The following AP3B1 variants were observed in gnomAD, a reference collection of about 807,000 sequenced individuals.
AP3B1 encodes adaptor related protein complex 3 subunit beta 1, also known as AP-3 complex subunit beta-1.
A neutral mutation model predicts 132.5 loss-of-function variants in AP3B1; 61 were observed. That is an observed-to-expected ratio of 0.46 (90% confidence interval 0.37 to 0.57). AP3B1 has a LOEUF of 0.57. AP3B1 is among the 20% of genes least tolerant of loss of function. AP3B1 has a pLI of 0.00. For synonymous variants in AP3B1, 388 were observed against 438.3 expected (o/e 0.89, Z 1.43); for missense variants, 1,120 against 1,289.4 (o/e 0.87, Z 2.01).
intron 6 of AP3B1, chr5:78,222,516 A>G (rs1424803051): frequency 6.6e-6 from 1 of 152,230 alleles, no homozygotes; most frequent in East Asian, 1.9e-4. Context: ...GAACACTAGT[A>G]TAATTGTTTG....
chr5:78,012,953 T>C (rs1746683687), intron 26 of AP3B1, among the ~76,000 whole-genome samples: 1 of 152,222 alleles, frequency 6.6e-6, no homozygotes, highest in Non-Finnish European at 1.5e-5. Flanking sequence ...TTAATAAGAA[T>C]TATACAACTG....
chr5:78,197,037 T>C, intron 7 of AP3B1, among the ~76,000 whole-genome samples: 1 of 152,122 alleles, frequency 6.6e-6, no homozygotes, highest in East Asian at 1.9e-4. Flanking sequence ...GTGACAACAA[T>C]ATTAATGTAA....
chr5:78,070,797 C>T (rs544605418), intron 22 of AP3B1, among the ~76,000 whole-genome samples: 1 of 151,466 alleles, frequency 6.6e-6, no homozygotes, highest in African/African-American at 2.4e-5. Flanking sequence ...ATGTGGCCAA[C>T]AAACATGAAA....
chr5:78,083,009 G>T (rs1045048546), intron 22 of AP3B1, among the ~76,000 whole-genome samples: 2 of 152,030 alleles, frequency 1.3e-5, no homozygotes, highest in African/African-American at 4.8e-5. Flanking sequence ...TAGAAACGGG[G>T]TTTCACCATG....
intron 2 of AP3B1, among the ~76,000 whole-genome samples, chr5:78,264,059 G>A (rs1748216364): frequency 6.6e-6 from 1 of 152,132 alleles, no homozygotes. Context: ...GCTTGTGTAA[G>A]TATACTAGGT....
chr5:78,127,700 A>G (rs1485526579), intron 17 of AP3B1, among the ~76,000 whole-genome samples: 5 of 152,200 alleles, frequency 3.3e-5, no homozygotes, highest in Admixed American at 3.3e-4. Context: ...ATCTCTAAAC[A>G]AAGTAGAAAA....
chr5:78,225,669 C>G (rs889770026), intron 5 of AP3B1, 61 bp from the exon 6 acceptor site: 2 of 1,067,138 alleles, frequency 1.9e-6, no homozygotes, highest in Non-Finnish European at 2.8e-6. Flanking sequence ...ACATGATGCT[C>G]ACCAATTCAA....
At chr5:78,233,478 GC>G (rs1746742538) in intron 3 of AP3B1, among the ~76,000 whole-genome samples, 1 of 150,668 alleles carries the variant, frequency 6.6e-6, no homozygotes, top group South Asian at 2.1e-4. Context: ...CAGGTGATCC[GC>G]CCACCCCGGC....
chr5:78,022,068 T>A (rs544788008), intron 24 of AP3B1, among the ~76,000 whole-genome samples: 277 of 152,286 alleles, frequency 1.8e-3, no homozygotes, highest in African/African-American at 6.5e-3. Context: ...AAAAAGAACA[T>A]AAAATCGACT....
intron 6 of AP3B1, among the ~76,000 whole-genome samples, chr5:78,220,210 C>T (rs1162240109): frequency 6.7e-6 from 1 of 150,168 alleles, no homozygotes; most frequent in Admixed American, 6.6e-5. Flanking sequence ...TATAATCACA[C>T]AAAAGAAAAA....
intron 15 of AP3B1, among the ~76,000 whole-genome samples, chr5:78,137,999 C>T (rs762624296): frequency 6.6e-6 from 1 of 151,760 alleles, no homozygotes; most frequent in East Asian, 1.9e-4. Flanking sequence ...AGCTACTCAT[C>T]ACTGTAATCG....
chr5:78,089,153 A>T, intron 22 of AP3B1: 1 of 439,674 alleles, frequency 2.3e-6, no homozygotes, highest in South Asian at 2.2e-5. Context: ...CAGATATATA[A>T]CAATACCAGA....
chr5:78,276,598 T>C (rs1748785632), intron 1 of AP3B1, among the ~76,000 whole-genome samples: 1 of 152,046 alleles, frequency 6.6e-6, no homozygotes, highest in South Asian at 2.1e-4. Context: ...TTGGACTTGG[T>C]GGCATACACC....
intron 7 of AP3B1, among the ~76,000 whole-genome samples, chr5:78,212,888 A>T (rs1359769290): frequency 6.6e-6 from 1 of 151,730 alleles, no homozygotes; most frequent in African/African-American, 2.4e-5. Context: ...TTTTATTTTT[A>T]TTTATTTATT....
chr5:78,053,307 T>TA (rs1432331246), intron 22 of AP3B1, among the ~76,000 whole-genome samples: 1 of 152,296 alleles, frequency 6.6e-6, no homozygotes, highest in East Asian at 1.9e-4. Flanking sequence ...ACACTGAAAA[T>TA]ACTTTTAAAT....
At chr5:78,146,309 A>C (rs1753391222) in intron 14 of AP3B1, among the ~76,000 whole-genome samples, 1 of 152,122 alleles carries the variant, frequency 6.6e-6, no homozygotes. Flanking sequence ...CTTGTGGTTG[A>C]CCATTTTGAG....
At chr5:78,140,106 G>T (rs1753082172) in intron 15 of AP3B1, among the ~76,000 whole-genome samples, 1 of 152,142 alleles carries the variant, frequency 6.6e-6, no homozygotes, top group Non-Finnish European at 1.5e-5. Context: ...CACTCACAGA[G>T]AATAGCAATT....
At chr5:78,166,109 A>C (rs1215867023) in intron 11 of AP3B1, among the ~76,000 whole-genome samples, 2 of 142,606 alleles carry the variant, frequency 1.4e-5, no homozygotes, top group Non-Finnish European at 3.0e-5. Context: ...AACAAGACTG[A>C]AACTCTGTCA....
intron 26 of AP3B1, among the ~76,000 whole-genome samples, chr5:78,006,315 C>T (rs972955032): frequency 6.6e-6 from 1 of 152,114 alleles, no homozygotes; most frequent in African/African-American, 2.4e-5. Context: ...CAAAAATGCA[C>T]CCATAATAAT....
Sources: gnomAD v4.1 joint callset for allele counts (sites outside exome capture counted in the v4.1 genomes callset) on GRCh38, gnomAD v4.1.1 for gene constraint, MANE v1.5 for transcripts, NCBI Gene and HGNC (gene_info 2026-07-23, HGNC 2026-07-21) for gene names.